The following ZNF362 variants were observed in gnomAD, a reference collection of about 807,000 sequenced individuals.
ZNF362 encodes the protein zinc finger protein 362.
Under a neutral mutation model 42.9 loss-of-function variants are expected in ZNF362, and 11 were observed. The ratio of observed to expected loss-of-function variants is 0.26; its 90% CI spans 0.16 to 0.42. ZNF362 has a LOEUF of 0.42. ZNF362 is among the 20% of genes least tolerant of loss of function. The pLI is 1.00. For missense variants in ZNF362, 362 were observed against 576.2 expected (o/e 0.63, Z 3.81); for synonymous variants, 255 against 257.3 (o/e 0.99, Z 0.09).
At chr1:33,147,842 T>A in the ZNF362 span, 4 of 1,151,084 alleles carry the variant, frequency 3.5e-6, no homozygotes, top group Non-Finnish European at 4.9e-6. The surrounding 1 kb of genome is among the most constrained non-coding windows in gnomAD (Gnocchi z 8.1). Flanking sequence ...TCTGACCTGC[T>A]GTGTGACCTT....
At chr1:33,201,947 T>G in the ZNF362 span, among the ~76,000 whole-genome samples, 1 of 152,194 alleles carries the variant, frequency 6.6e-6, no homozygotes, top group Non-Finnish European at 1.5e-5. Context: ...CACCACAGAT[T>G]CTAAATACAT....
At chr1:33,270,465 T>A (rs938014047) in intron 1 of ZNF362, 22 bp from the exon 2 acceptor site, 2 of 662,670 alleles carry the variant, frequency 3.0e-6, no homozygotes, top group Non-Finnish European at 5.5e-6. Flanking sequence ...TTATTATTGT[T>A]ATTGTTATTC....
rs1570400186 is a variant in ZNF362 at position 33,281,240 on chromosome 1, A to G, written c.684-347A>G. ...TCTTAGACGCTCCCCAGATGATTCTAATGAGCAGCCTGGTTGAGAACTACT... is the reference window on the plus strand; with the variant it reads ...TCTTAGACGCTCCCCAGATGATTCTGATGAGCAGCCTGGTTGAGAACTACT... On this transcript the variant is annotated intron_variant, in intron 5 of 8. Coordinates refer to ENST00000539719, the MANE Select transcript of ZNF362 (RefSeq NM_152493.3). This position sits in a 1 kb window ranked among gnomAD's most constrained non-coding sequence, Gnocchi z 4.8. Among the ~76,000 whole-genome samples, 1 of 152,148 alleles carries G rather than the reference A, an allele frequency of 6.6e-6. No individual in the cohort carries two copies. Among genetic ancestry groups the G allele is most frequent in the African/African-American group, 2.4e-5 (1 of 41,436 alleles).
chr1:33,165,549 T>G, the ZNF362 span: 1 of 1,609,362 alleles, frequency 6.2e-7, no homozygotes. The surrounding 1 kb of genome is among the most constrained non-coding windows in gnomAD (Gnocchi z 4.0). Context: ...GGGCCTGAAG[T>G]TGGTCCTTCA....
At chr1:33,297,924 A>G (rs1203138313) in intron 8 of ZNF362, among the ~76,000 whole-genome samples, 1 of 152,108 alleles carries the variant, frequency 6.6e-6, no homozygotes, top group African/African-American at 2.4e-5. Flanking sequence ...TTTGTTATTT[A>G]TTCACTGAAG....
rs891276537 is a variant in ZNF362 at position 33,299,013 on chromosome 1, C to G, written c.1230C>G (p.Ser410=). 7 of 1,611,760 alleles carry G rather than the reference C, an allele frequency of 4.3e-6. No homozygotes were observed. In the African/African-American group the frequency reaches 9.3e-5, roughly 22 times the overall value. ...VSHHSPQRTE[S]PGIPVRISLI Reference sequence around the variant, plus strand: ...ATCACTCGCCCCAGAGGACGGAGTCCCCCGGCATCCCGGTGCGAATCTCTC... The same window carrying G: ...ATCACTCGCCCCAGAGGACGGAGTCGCCCGGCATCCCGGTGCGAATCTCTC... The change falls in exon 9 of 9, where the codon TCC becomes TCG. Residue 410 remains serine, a synonymous_variant. Coordinates refer to ENST00000539719, the MANE Select transcript of ZNF362 (RefSeq NM_152493.3).
At chr1:33,232,368 G>A in the ZNF362 span, among the ~76,000 whole-genome samples, 3 of 152,074 alleles carry the variant, frequency 2.0e-5, no homozygotes, top group South Asian at 2.1e-4. Flanking sequence ...GGGTTCAAGC[G>A]ATTCTCCTGC....
At chr1:33,219,518 G>A in the ZNF362 span, among the ~76,000 whole-genome samples, 1 of 152,206 alleles carries the variant, frequency 6.6e-6, no homozygotes, top group South Asian at 2.1e-4. Flanking sequence ...GGTAGCATGG[G>A]CAGCAGGGCC....
the ZNF362 span, among the ~76,000 whole-genome samples, chr1:33,240,484 CACACATACATAG>C: frequency 1.3e-5 from 2 of 152,118 alleles, no homozygotes; most frequent in African/African-American, 4.8e-5. Flanking sequence ...TATACATAAA[CACACATACATAG>C]ACACATACAT....
the ZNF362 span, among the ~76,000 whole-genome samples, chr1:33,245,484 A>G: frequency 6.6e-6 from 1 of 152,100 alleles, no homozygotes; most frequent in African/African-American, 2.4e-5. Context: ...AGATATGCCC[A>G]TGTCCTACCT....
the ZNF362 span, among the ~76,000 whole-genome samples, chr1:33,248,637 C>G: frequency 1.3e-5 from 2 of 152,218 alleles, no homozygotes; most frequent in Non-Finnish European, 2.9e-5. Flanking sequence ...TGCTTACTTT[C>G]AGCCCCAGTT....
the ZNF362 span, chr1:33,165,419 A>AGCCCTGCCCTCATCTCTGCCG: frequency 2.0e-6 from 3 of 1,491,140 alleles, no homozygotes; most frequent in African/African-American, 4.2e-5. This position sits in a 1 kb window ranked among gnomAD's most constrained non-coding sequence, Gnocchi z 4.0. Flanking sequence ...CGCCCCTCGA[A>AGCCCTGCCCTCATCTCTGCCG]GCCCTGCCCT....
chr1:33,170,479 T>C, the ZNF362 span, among the ~76,000 whole-genome samples: 1 of 152,032 alleles, frequency 6.6e-6, no homozygotes, highest in Admixed American at 6.6e-5. Flanking sequence ...ACAATCTCAG[T>C]ACCTAGGACA....
chr1:33,218,928 GACATACAC>G, the ZNF362 span, among the ~76,000 whole-genome samples: 52 of 69,624 alleles, frequency 7.5e-4, 1 homozygote, highest in African/African-American at 1.8e-3. Flanking sequence ...CCAGGAGCTG[GACATACAC>G]ACACACACAC....
chr1:33,134,894 T>C, the ZNF362 span, among the ~76,000 whole-genome samples: 1 of 152,232 alleles, frequency 6.6e-6, no homozygotes, highest in African/African-American at 2.4e-5. Flanking sequence ...ACCCCTGGCC[T>C]CAGCCTCACC....
chr1:33,162,923 A>C, the ZNF362 span: 3 of 152,302 alleles, frequency 2.0e-5, no homozygotes, highest in African/African-American at 7.2e-5. Context: ...GTGGGACTTC[A>C]GGTTGGTCCC....
chr1:33,181,619 T>A, the ZNF362 span: 34 of 1,119,400 alleles, frequency 3.0e-5, no homozygotes, highest in Non-Finnish European at 3.7e-5. This position sits in a 1 kb window ranked among gnomAD's most constrained non-coding sequence, Gnocchi z 6.5. Context: ...GGTGCGCGGC[T>A]GAGACTCCGT....
rs116085502 is a variant in ZNF362 at position 33,267,934 on chromosome 1, A to C, written c.-88-2553A>C. Among the ~76,000 whole-genome samples the C allele has an allele frequency of 6.3e-3, 961 of 152,318 alleles. 5 individuals are homozygous for C. The highest frequency in any genetic ancestry group is 0.022 in the African/African-American group (920 of 41,558). ...CTCTTGACAAATTCATGCCAGATTTATTTCAGAAATGATTGTTACAGTTTA... is the reference window on the plus strand; with the variant it reads ...CTCTTGACAAATTCATGCCAGATTTCTTTCAGAAATGATTGTTACAGTTTA... On this transcript the variant is annotated intron_variant, in intron 1 of 8. Coordinates refer to ENST00000539719, the MANE Select transcript of ZNF362 (RefSeq NM_152493.3).
At chr1:33,148,688 A>G in the ZNF362 span, among the ~76,000 whole-genome samples, 1 of 152,224 alleles carries the variant, frequency 6.6e-6, no homozygotes, top group South Asian at 2.1e-4. Flanking sequence ...ACATATACAC[A>G]CACAACACTT....
Sources: gnomAD v4.1 joint callset for allele counts (sites outside exome capture counted in the v4.1 genomes callset) on GRCh38, gnomAD v4.1.1 for gene constraint, Gnocchi (gnomAD v3.1) non-coding constraint, MANE v1.5 for transcripts, NCBI Gene and HGNC (gene_info 2026-07-23, HGNC 2026-07-21) for gene names.